RHBDL2: variants seen among roughly 807,000 people sequenced by gnomAD.
The protein encoded by RHBDL2 is rhomboid like 2.
A neutral mutation model predicts 31.7 loss-of-function variants in RHBDL2; 26 were observed. That is an observed-to-expected ratio of 0.82 (90% confidence interval 0.60 to 1.14). The LOEUF (loss-of-function observed/expected upper bound fraction) is 1.14, where lower values mean the gene tolerates loss of function less well. RHBDL2 is among the 50% of genes most tolerant of loss of function. The pLI, the probability that RHBDL2 is intolerant of heterozygous loss-of-function variation, is 0.00. For synonymous variants in RHBDL2, 123 were observed against 127.2 expected, an observed-to-expected ratio of 0.97 and a Z score of 0.22; for missense variants, 336 against 364.4, an observed-to-expected ratio of 0.92 and a Z score of 0.63.
intron 1 of RHBDL2, chr1:38,929,254 G>A (rs890808619): frequency 1.8e-5 from 8 of 451,516 alleles, no homozygotes; most frequent in Non-Finnish European, 2.7e-5. Flanking sequence ...GGAAGTGGCA[G>A]GTCACTACCC....
At chr1:38,925,556 C>T (rs1033267113) in intron 1 of RHBDL2, among the ~76,000 whole-genome samples, 3 of 152,032 alleles carry the variant, frequency 2.0e-5, no homozygotes, top group African/African-American at 7.3e-5. Context: ...TGATGAGCAG[C>T]CTGGCTGATG....
In RHBDL2 at chr1:38,919,649, C is replaced by T. The variant is rs372329326; in HGVS notation, c.-125-312G>A. On this transcript the variant is annotated intron_variant, in intron 1 of 7. Transcript: ENST00000372990. ...GAGGTGGAGTCATCTTGCTCTTCTG[C>T]CCAGGCTGGAGTGCAATGGCGAGAT... Among the ~76,000 whole-genome samples the T allele has an allele frequency of 9.2e-5, 14 of 151,626 alleles. 1 individual carries two copies. Among genetic ancestry groups the T allele is most frequent in the African/African-American group, 3.1e-4 (13 of 41,302 alleles).
At chr1:38,898,255 G>T (rs1642945068) in intron 4 of RHBDL2, among the ~76,000 whole-genome samples, 1 of 152,134 alleles carries the variant, frequency 6.6e-6, no homozygotes, top group Non-Finnish European at 1.5e-5. Flanking sequence ...AGGGAGCTGA[G>T]ATCGCACCAC....
chr1:38,936,632 C>T (rs372021416), intron 1 of RHBDL2, among the ~76,000 whole-genome samples: 2 of 151,306 alleles, frequency 1.3e-5, no homozygotes, highest in South Asian at 2.1e-4. Context: ...CCCGAATAGC[C>T]GGGATTACAG....
chr1:38,915,619 C>T lies in RHBDL2; in HGVS notation c.338G>A (p.Ser113Asn), dbSNP rs1414337237. 8 of 1,614,000 alleles carry T rather than the reference C, an allele frequency of 5.0e-6. No homozygotes were observed. Among genetic ancestry groups the T allele is most frequent in the South Asian group, 2.2e-5 (2 of 91,086 alleles). Reference sequence around the variant, plus strand: ...CCAGGCTTCCTCCCTCTTCTCAGGACTGTAGATAAAGGGACTCTCCAAGAT... The same window carrying T: ...CCAGGCTTCCTCCCTCTTCTCAGGATTGTAGATAAAGGGACTCTCCAAGAT... ...TGILESPFIY[S>N]PEKREEAWRF... The change falls in exon 3 of 8, where the codon AGT (serine) becomes AAT (asparagine). Residue 113 changes from serine (S) to asparagine (N), a missense_variant. Transcript: ENST00000372990.
chr1:38,892,658 G>A (rs1207007943), intron 6 of RHBDL2, among the ~76,000 whole-genome samples: 1 of 152,176 alleles, frequency 6.6e-6, no homozygotes, highest in Non-Finnish European at 1.5e-5. Context: ...ATCACATGGT[G>A]AAAATATTAT....
At chr1:38,905,525 G>T (rs1444080620) in intron 4 of RHBDL2, among the ~76,000 whole-genome samples, 1 of 150,622 alleles carries the variant, frequency 6.6e-6, no homozygotes, top group Non-Finnish European at 1.5e-5. Context: ...TGAGGCAAAT[G>T]AATTACTTGA....
At position 38,929,522 on chromosome 1, in the gene RHBDL2, G is replaced by T. The variant is rs182140203; in HGVS notation, c.-125-10185C>A. On this transcript the variant is annotated intron_variant, in intron 1 of 7. Transcript: ENST00000372990. ...TGCCTAGCTGCATTCAAACAGGGAG[G>T]TTTTAAATATCTGAATTGTTTTTTC... The T allele has an allele frequency of 3.2e-5, 41 of 1,289,384 alleles. No homozygotes were observed. The African/African-American group carries it at 5.6e-4, about 18-fold the overall frequency. The allele number at this position is 1,289,384 out of a possible 1,614,324, so 79.9% of individuals were successfully genotyped here.
intron 1 of RHBDL2, among the ~76,000 whole-genome samples, chr1:38,921,559 T>A (rs1343843462): frequency 1.3e-5 from 2 of 152,196 alleles, no homozygotes; most frequent in African/African-American, 4.8e-5. Context: ...CAAATTCAAC[T>A]GATTTTCAAA....
intron 1 of RHBDL2, among the ~76,000 whole-genome samples, chr1:38,935,541 G>T (rs1469178042): frequency 6.6e-6 from 1 of 152,202 alleles, no homozygotes; most frequent in East Asian, 1.9e-4. Context: ...TTCGGTATCA[G>T]TATTGAATTA....
intron 2 of RHBDL2, among the ~76,000 whole-genome samples, chr1:38,916,486 T>TA (rs1004752018): frequency 3.3e-5 from 5 of 152,114 alleles, no homozygotes; most frequent in African/African-American, 1.2e-4. Flanking sequence ...GAGAAACTGG[T>TA]AAAAATCCAG....
chr1:38,899,790 C>T (rs905360041), intron 4 of RHBDL2, among the ~76,000 whole-genome samples: 4 of 152,220 alleles, frequency 2.6e-5, no homozygotes, highest in African/African-American at 7.2e-5. Flanking sequence ...TCTGGCCCTT[C>T]CAGTCCTCCT....
chr1:38,913,513 AT>A (rs1557616259), intron 3 of RHBDL2: 1 of 146,750 alleles, frequency 6.8e-6, no homozygotes, highest in African/African-American at 2.5e-5. Context: ...TTTTTTATTT[AT>A]TTTTAACTTT....
intron 2 of RHBDL2, among the ~76,000 whole-genome samples, chr1:38,918,025 G>A (rs1460962152): frequency 6.6e-6 from 1 of 152,182 alleles, no homozygotes; most frequent in Non-Finnish European, 1.5e-5. Flanking sequence ...TCTGCCAGCA[G>A]AACTCTACCT....
At chr1:38,903,167 T>A (rs1643017129) in intron 4 of RHBDL2, among the ~76,000 whole-genome samples, 1 of 152,000 alleles carries the variant, frequency 6.6e-6, no homozygotes. Flanking sequence ...GAGACAGAGT[T>A]TTGCTCTTGT....
chr1:38,904,314 CA>C (rs1334631222), intron 4 of RHBDL2, among the ~76,000 whole-genome samples: 1 of 150,278 alleles, frequency 6.7e-6, no homozygotes, highest in East Asian at 2.0e-4. Flanking sequence ...ACTAAAAATA[CA>C]AAAAAAAATT....
At chr1:38,913,141 C>T (rs970660838) in intron 3 of RHBDL2, among the ~76,000 whole-genome samples, 1 of 151,592 alleles carries the variant, frequency 6.6e-6, no homozygotes, top group South Asian at 2.1e-4. Flanking sequence ...TGCCACCACG[C>T]CCAGCTAATT....
chr1:38,938,284 G>T (rs1643530917), intron 1 of RHBDL2, among the ~76,000 whole-genome samples: 1 of 152,062 alleles, frequency 6.6e-6, no homozygotes, highest in South Asian at 2.1e-4. Context: ...CAAAGTGCTG[G>T]GATTAGAGGC....
At chr1:38,906,066 CAA>C (rs771773572) in intron 4 of RHBDL2, among the ~76,000 whole-genome samples, 15 of 68,006 alleles carry the variant, frequency 2.2e-4, no homozygotes, top group African/African-American at 1.8e-4. Context: ...GACTCCAACT[CAA>C]AAAAAAAAAA....
Sources: gnomAD v4.1 joint callset for allele counts (sites outside exome capture counted in the v4.1 genomes callset) on GRCh38, gnomAD v4.1.1 for gene constraint, MANE v1.5 for transcripts, NCBI Gene and HGNC (gene_info 2026-07-23, HGNC 2026-07-21) for gene names.